PLCB1: variants seen among roughly 807,000 people sequenced by gnomAD.
PLCB1 encodes the protein 1-phosphatidylinositol 4,5-bisphosphate phosphodiesterase beta-1.
PLCB1 carries 46 observed loss-of-function variants against 161.8 expected under a neutral mutation model. The observed-to-expected ratio is 0.28, with a 90% CI of 0.22 to 0.36. The LOEUF (loss-of-function observed/expected upper bound fraction) is 0.36, where lower values mean the gene tolerates loss of function less well. Ranked by LOEUF, PLCB1 falls within the 10% of genes least tolerant of loss-of-function variation. The pLI, the probability that PLCB1 is intolerant of heterozygous loss-of-function variation, is 1.00. For missense variants in PLCB1, 1,016 were observed against 1,472.5 expected (o/e 0.69, Z 5.07); for synonymous variants, 517 against 503.7 (o/e 1.03, Z -0.35).
chr20:8,253,211 T>C (rs1444010984), intron 2 of PLCB1, among the ~76,000 whole-genome samples: 2 of 150,402 alleles, frequency 1.3e-5, no homozygotes, highest in African/African-American at 4.9e-5. Flanking sequence ...CCTAAGGGCA[T>C]CCTTCAGCCA....
intron 2 of PLCB1, among the ~76,000 whole-genome samples, chr20:8,276,971 C>CTTATTATTATTATTA (rs1364657407): frequency 9.2e-6 from 1 of 108,194 alleles, no homozygotes; most frequent in South Asian, 3.1e-4. Flanking sequence ...TCTTCTTCTT[C>CTTATTATTATTATTA]TTCTTCTTCT....
chr20:8,244,729 T>C (rs1307445668), intron 2 of PLCB1, among the ~76,000 whole-genome samples: 1 of 151,864 alleles, frequency 6.6e-6, no homozygotes, highest in African/African-American at 2.4e-5. Flanking sequence ...GCAGTAAAAG[T>C]ATGAAATATA....
chr20:8,551,827 A>G (rs998818895), intron 3 of PLCB1, among the ~76,000 whole-genome samples: 1 of 152,012 alleles, frequency 6.6e-6, no homozygotes, highest in African/African-American at 2.4e-5. Flanking sequence ...CAAATAAACT[A>G]TTTCTCTAGA....
At chr20:8,239,593 TAA>T (rs765027402) in intron 2 of PLCB1, among the ~76,000 whole-genome samples, 15 of 140,244 alleles carry the variant, frequency 1.1e-4, no homozygotes, top group Admixed American at 2.9e-4. Flanking sequence ...TTCTGGTACT[TAA>T]AAAAAAAAAA....
intron 18 of PLCB1, chr20:8,729,811 A>G (rs1049262133): frequency 6.6e-6 from 1 of 151,972 alleles, no homozygotes; most frequent in Non-Finnish European, 1.5e-5. Context: ...ACCTTTATGA[A>G]TATTGCCAAA....
Position 8,717,666 on chromosome 20 carries a change from A to C in PLCB1, c.1336-5A>C, listed in dbSNP as rs752723995. 6.2e-7 allele frequency: 1 copy of C among 1,600,326 alleles called. No homozygotes were observed. The highest frequency in any genetic ancestry group is 8.5e-7 in the Non-Finnish European group (1 of 1,174,524). ...TTTAAAGAATATGCCTTTCATTTCTATTAGCTGGAATCTGGAGTTCCTCTT... is the reference window on the plus strand; with the variant it reads ...TTTAAAGAATATGCCTTTCATTTCTCTTAGCTGGAATCTGGAGTTCCTCTT... On this transcript the variant is annotated splice_polypyrimidine_tract_variant and splice_region_variant and intron_variant, in intron 13 of 31. Transcript: ENST00000338037.
At position 8,657,244 on chromosome 20, in the gene PLCB1, C is replaced by T. The variant is rs546645386; in HGVS notation, c.655C>T (p.Leu219Phe). 6 of 1,609,518 alleles carry T rather than the reference C, an allele frequency of 3.7e-6. No individual in the cohort carries two copies. The highest frequency in any genetic ancestry group is 1.7e-5 in the Admixed American group (1 of 59,930). The change falls in exon 8 of 32, where the codon CTT becomes TTT. Residue 219 changes from leucine (L) to phenylalanine (F), a missense_variant. Physicochemically the swap from Leu to Phe is conservative, Grantham distance 22. This residue lies in a region of PLCB1 where 117 missense variants were observed against 142.2 expected (regional missense o/e 0.82). Transcript: ENST00000338037. Reference protein sequence around the residue: ...PEVYRVFLNNLCPRPEIDNIF... With the variant: ...PEVYRVFLNNFCPRPEIDNIF... ...AGTGTACAGAGTTTTCCTCAACAAC[C>T]TTTGCCCTCGACCTGAAATTGATAA...
intron 4 of PLCB1, among the ~76,000 whole-genome samples, chr20:8,634,438 A>G (rs1235438244): frequency 6.6e-6 from 1 of 152,142 alleles, no homozygotes; most frequent in Non-Finnish European, 1.5e-5. Flanking sequence ...AACTTCGTCT[A>G]TATCAGTTTC....
At chr20:8,801,906 T>A (rs541249838) in intron 31 of PLCB1, 2 of 651,284 alleles carry the variant, frequency 3.1e-6, no homozygotes, top group South Asian at 1.7e-5. Flanking sequence ...ACTGGGGGTG[T>A]TGGAGCAGAT....
intron 2 of PLCB1, among the ~76,000 whole-genome samples, chr20:8,221,568 G>A (rs906065149): frequency 5.9e-5 from 9 of 152,212 alleles, no homozygotes; most frequent in African/African-American, 2.2e-4. Flanking sequence ...CTTTGCCAGT[G>A]TGTTTAATTG....
chr20:8,362,130 A>G (rs1484498426), intron 2 of PLCB1, among the ~76,000 whole-genome samples: 3 of 152,120 alleles, frequency 2.0e-5, no homozygotes, highest in Non-Finnish European at 4.4e-5. Flanking sequence ...AGATGTGGAG[A>G]ATTCCTCTGT....
chr20:8,836,832 A>G (rs1213506296), intron 31 of PLCB1, among the ~76,000 whole-genome samples: 1 of 152,196 alleles, frequency 6.6e-6, no homozygotes, highest in Non-Finnish European at 1.5e-5. Context: ...CAAATGCTGC[A>G]TACATGATCT....
At chr20:8,167,556 T>C (rs1402897110) in intron 2 of PLCB1, among the ~76,000 whole-genome samples, 4 of 152,214 alleles carry the variant, frequency 2.6e-5, no homozygotes, top group Non-Finnish European at 5.9e-5. Flanking sequence ...TTATCACTTC[T>C]AAAAGGAAAG....
rs527733608 is a variant in PLCB1, at chr20:8,192,334, T to TA, written c.177+41970dup. ...GATTTTCTTGCCCGAGAAGCTAATT[T>TA]AAAAAAATCGTATTCACTAGGTGAA... On this transcript the variant is annotated intron_variant, in intron 2 of 31. Transcript: ENST00000338037. Among the ~76,000 whole-genome samples the TA allele has an allele frequency of 7.7e-3, 1,170 of 151,978 alleles. 15 individuals carry two copies. Among genetic ancestry groups the TA allele is most frequent in the African/African-American group, 0.025 (1,044 of 41,498 alleles).
At chr20:8,266,128 T>G (rs770964542) in intron 2 of PLCB1, among the ~76,000 whole-genome samples, 2 of 152,186 alleles carry the variant, frequency 1.3e-5, no homozygotes, top group Admixed American at 6.6e-5. Context: ...GATTAACCAT[T>G]GCTACAATAA....
At chr20:8,571,172 T>G (rs1986498694) in intron 3 of PLCB1, among the ~76,000 whole-genome samples, 1 of 152,176 alleles carries the variant, frequency 6.6e-6, no homozygotes, top group Non-Finnish European at 1.5e-5. Flanking sequence ...CCTATTTGTG[T>G]TTTTTAGAAA....
chr20:8,733,784 T>TATAATA (rs199683575), intron 19 of PLCB1, among the ~76,000 whole-genome samples: 3,205 of 139,248 alleles, frequency 0.023, 45 homozygotes, highest in South Asian at 0.028. Context: ...AAACTTAAAG[T>TATAATA]ATAATAATAA....
intron 3 of PLCB1, among the ~76,000 whole-genome samples, chr20:8,375,548 G>C (rs755649868): frequency 6.6e-6 from 1 of 151,316 alleles, no homozygotes; most frequent in Non-Finnish European, 1.5e-5. Flanking sequence ...ACAGCATAAA[G>C]TGTAATTTTT....
Position 8,757,176 on chromosome 20 carries a change from C to A in PLCB1, c.2654C>A (p.Pro885Gln). The A allele has an allele frequency of 6.2e-7, 1 of 1,608,136 alleles. No homozygotes were observed. The highest frequency in any genetic ancestry group is 8.5e-7 in the Non-Finnish European group (1 of 1,177,804). The change falls in exon 24 of 32, where the codon CCA (proline) becomes CAA (glutamine). Residue 885 changes from proline to glutamine, a missense_variant and splice_region_variant. Physicochemically the swap from Pro to Gln is moderately conservative, Grantham distance 76 (BLOSUM62 -1). Coordinates refer to ENST00000338037, the MANE Select transcript of PLCB1 (RefSeq NM_015192.4). ...PSQALHSQPA[P>Q]GSVKAPAKTE... ...CAGGCTCTCCACAGCCAGCCAGCTC[C>A]AGGTAAGCCATCTGGAAAGAGCTGG...
Sources: allele counts gnomAD v4.1 joint callset (sites outside exome capture counted in the v4.1 genomes callset), GRCh38; gene constraint gnomAD v4.1.1; regional missense constraint gnomAD v4.1.1; transcripts MANE v1.5; gene names NCBI Gene and HGNC (gene_info 2026-07-23, HGNC 2026-07-21).